MAN1A2: variants seen among roughly 807,000 people sequenced by gnomAD.
MAN1A2 encodes the protein mannosidase alpha class 1A member 2.
In MAN1A2, 26 loss-of-function variants were observed where a neutral mutation model predicts 75.7. The ratio of observed to expected loss-of-function variants is 0.34; its 90% CI spans 0.25 to 0.48. MAN1A2 has a LOEUF of 0.48. MAN1A2 is among the 20% of genes least tolerant of loss of function. The probability of loss-of-function intolerance (pLI) is 0.99; values close to 1 mark genes in which losing one functional copy is unlikely to be tolerated. For missense variants in MAN1A2, 562 were observed against 775.5 expected, an observed-to-expected ratio of 0.72 and a Z score of 3.27; for synonymous variants, 247 against 264.6, an observed-to-expected ratio of 0.93 and a Z score of 0.65.
chr1:117,401,407 T>C (rs1000372711), intron 1 of MAN1A2, among the ~76,000 whole-genome samples: 2 of 152,156 alleles, frequency 1.3e-5, no homozygotes, highest in African/African-American at 4.8e-5. Context: ...GTAGTCATCG[T>C]TGGTTGACTG....
At chr1:117,400,218 TC>T (rs1426282129) in intron 1 of MAN1A2, among the ~76,000 whole-genome samples, 2 of 152,022 alleles carry the variant, frequency 1.3e-5, no homozygotes. Context: ...GGATTCTTCC[TC>T]CCTGCTGAAT....
intron 9 of MAN1A2, among the ~76,000 whole-genome samples, chr1:117,496,351 A>G (rs1003929191): frequency 6.6e-6 from 1 of 152,044 alleles, no homozygotes; most frequent in Non-Finnish European, 1.5e-5. Flanking sequence ...CTCAAGTTTA[A>G]TATAGACTAT....
intron 6 of MAN1A2, among the ~76,000 whole-genome samples, chr1:117,457,458 C>G (rs1265471774): frequency 6.6e-6 from 1 of 151,898 alleles, no homozygotes; most frequent in Non-Finnish European, 1.5e-5. Flanking sequence ...AGCATTATAT[C>G]TTGTTCTTAG....
intron 6 of MAN1A2, among the ~76,000 whole-genome samples, chr1:117,453,793 AACAGCATC>A: frequency 6.6e-6 from 1 of 152,350 alleles, no homozygotes; most frequent in Non-Finnish European, 1.5e-5. Context: ...AATGCTGTCA[AACAGCATC>A]ACATGCTACA....
At chr1:117,447,273 A>C (rs1435311967) in intron 6 of MAN1A2, among the ~76,000 whole-genome samples, 1 of 152,148 alleles carries the variant, frequency 6.6e-6, no homozygotes, top group Admixed American at 6.6e-5. Flanking sequence ...CTGTATCAAC[A>C]CTTTATATAT....
In MAN1A2 at chr1:117,523,074, A is replaced by C; in HGVS notation, c.*117A>C. ...ACCTCTATGTCAACATGACAGGGTG[A>C]AACTATTCCCCCTAAGACTGTTCAA... On this transcript the variant is annotated 3_prime_UTR_variant, in exon 13 of 13. Coordinates refer to ENST00000356554, the MANE Select transcript of MAN1A2 (RefSeq NM_006699.5). The C allele has an allele frequency of 9.1e-7, 1 of 1,099,764 alleles. No homozygotes were observed. Among genetic ancestry groups the C allele is most frequent in the South Asian group, 1.3e-5 (1 of 74,250 alleles). 68.1% of individuals were successfully genotyped at this position (1,099,764 alleles called of 1,614,324 possible). A position where few individuals can be genotyped will look rare whatever the true frequency, so the allele number is the denominator to read the frequency against.
At position 117,388,531 on chromosome 1, in the gene MAN1A2, C is replaced by T. The variant is rs12078528; in HGVS notation, c.303-13655C>T. 7.9e-3 allele frequency among the ~76,000 whole-genome samples: 1,201 copies of T among 151,956 alleles called. 12 individuals carry two copies. Among genetic ancestry groups the T allele is most frequent in the African/African-American group, 0.027 (1,127 of 41,432 alleles). ...CATAATTGTGGCAGAAAGTGAAGGG[C>T]GGGGGGAGTGTAGGCATCTCACACA... On this transcript the variant is annotated intron_variant, in intron 1 of 12. Coordinates refer to ENST00000356554, the MANE Select transcript of MAN1A2 (RefSeq NM_006699.5).
intron 6 of MAN1A2, among the ~76,000 whole-genome samples, chr1:117,458,522 T>TATA (rs1196587087): frequency 3.3e-4 from 30 of 90,130 alleles, no homozygotes; most frequent in South Asian, 2.2e-3. Context: ...GATATATATA[T>TATA]ATTTTTTTTT....
rs985769825 is a variant in MAN1A2, at chr1:117,394,182, C to T, written c.303-8004C>T. Among the ~76,000 whole-genome samples the T allele has an allele frequency of 4.0e-5, 6 of 151,630 alleles. No homozygotes were observed. The South Asian group carries it at 8.3e-4, about 21-fold the overall frequency. ...CTGCAAGCTCTGCCTCCCGGGTTCA[C>T]GCCATTCTCCTGCCTCAGCCTCCTG... On this transcript the variant is annotated intron_variant, in intron 1 of 12. Coordinates refer to ENST00000356554, the MANE Select transcript of MAN1A2 (RefSeq NM_006699.5).
chr1:117,383,236 C>T (rs960362828), intron 1 of MAN1A2, among the ~76,000 whole-genome samples: 1 of 150,516 alleles, frequency 6.6e-6, no homozygotes, highest in Non-Finnish European at 1.5e-5. Flanking sequence ...TAAGTCCTTT[C>T]ACTCTATTAA....
intron 1 of MAN1A2, among the ~76,000 whole-genome samples, chr1:117,369,971 A>C (rs1420681851): frequency 6.6e-6 from 1 of 152,218 alleles, no homozygotes; most frequent in Non-Finnish European, 1.5e-5. Context: ...TGTACTAAGC[A>C]GTTTAAAAAA....
intron 1 of MAN1A2, among the ~76,000 whole-genome samples, chr1:117,370,254 A>G (rs758095788): frequency 4.6e-5 from 7 of 152,182 alleles, no homozygotes; most frequent in African/African-American, 1.4e-4. Flanking sequence ...TATTGTTCTG[A>G]TAGCAGGGGT....
intron 12 of MAN1A2, among the ~76,000 whole-genome samples, chr1:117,510,063 C>T (rs1651483754): frequency 1.3e-5 from 2 of 151,674 alleles, no homozygotes; most frequent in Admixed American, 1.3e-4. Context: ...ATATATAAAT[C>T]CACTGAGGAA....
chr1:117,517,661 G>A (rs1158971885), intron 12 of MAN1A2, among the ~76,000 whole-genome samples: 1 of 151,932 alleles, frequency 6.6e-6, no homozygotes, highest in Non-Finnish European at 1.5e-5. Flanking sequence ...AACTTACAGT[G>A]GCTTAAAATA....
intron 8 of MAN1A2, among the ~76,000 whole-genome samples, chr1:117,472,226 A>G (rs1570771236): frequency 6.6e-6 from 1 of 151,974 alleles, no homozygotes; most frequent in East Asian, 1.9e-4. Context: ...ATTCCTACCT[A>G]TTCAATGAAA....
At chr1:117,512,066 G>C (rs1220572883) in intron 12 of MAN1A2, among the ~76,000 whole-genome samples, 2 of 152,084 alleles carry the variant, frequency 1.3e-5, no homozygotes, top group Non-Finnish European at 2.9e-5. Flanking sequence ...GGAAAGAGAA[G>C]AGAATAATAG....
At chr1:117,495,178 G>T (rs908902325) in intron 9 of MAN1A2, among the ~76,000 whole-genome samples, 2 of 151,450 alleles carry the variant, frequency 1.3e-5, no homozygotes, top group African/African-American at 2.4e-5. Flanking sequence ...TCTGCTATAT[G>T]TTATGTATCT....
In MAN1A2 at chr1:117,489,066, A is replaced by G. The variant is rs78560768; in HGVS notation, c.1169-4081A>G. Among the ~76,000 whole-genome samples, 1,234 of 152,184 alleles carry G rather than the reference A, an allele frequency of 8.1e-3. 27 individuals are homozygous for G. The highest frequency in any genetic ancestry group is 0.028 in the African/African-American group (1,181 of 41,546). ...CAACAGCATATAATAGATATCTTGC[A>G]GTGTTGGATTATAGATTCACCCTGA... On this transcript the variant is annotated intron_variant, in intron 8 of 12. Coordinates refer to ENST00000356554, the MANE Select transcript of MAN1A2 (RefSeq NM_006699.5).
chr1:117,419,861 A>G (rs1648129977), intron 4 of MAN1A2, among the ~76,000 whole-genome samples: 1 of 151,996 alleles, frequency 6.6e-6, no homozygotes, highest in Admixed American at 6.6e-5. Flanking sequence ...TGCATTTTAG[A>G]AAAATTTCAT....
Sources: gnomAD v4.1 joint callset for allele counts (sites outside exome capture counted in the v4.1 genomes callset) on GRCh38, gnomAD v4.1.1 for gene constraint, MANE v1.5 for transcripts, NCBI Gene and HGNC (gene_info 2026-07-23, HGNC 2026-07-21) for gene names.